MGRN1: variants seen among roughly 807,000 people sequenced by gnomAD.
MGRN1 encodes the protein E3 ubiquitin-protein ligase MGRN1.
A neutral mutation model predicts 69.2 loss-of-function variants in MGRN1; 29 were observed. The observed-to-expected ratio is 0.42, with a 90% CI of 0.31 to 0.57. MGRN1 has a LOEUF of 0.57. MGRN1 is among the 20% of genes least tolerant of loss of function. The probability of loss-of-function intolerance (pLI) is 0.15; values close to 1 mark genes in which losing one functional copy is unlikely to be tolerated. For synonymous variants in MGRN1, 470 were observed against 344.2 expected, an observed-to-expected ratio of 1.37 and a Z score of -4.04; for missense variants, 998 against 796.2, an observed-to-expected ratio of 1.25 and a Z score of -3.05.
At chr16:4,678,669 C>T (rs958758484) in intron 11 of MGRN1, among the ~76,000 whole-genome samples, 7 of 152,164 alleles carry the variant, frequency 4.6e-5, no homozygotes, top group African/African-American at 1.7e-4. Context: ...ACTGGTTGGG[C>T]CCGGGTCTTA....
chr16:4,648,674 C>T (rs1217790656), intron 1 of MGRN1, among the ~76,000 whole-genome samples: 2 of 111,760 alleles, frequency 1.8e-5, no homozygotes, highest in Non-Finnish European at 3.6e-5. Context: ...GGACTCTTCC[C>T]GTGGTCACCC....
rs112675555 is a variant in MGRN1 at position 4,686,250 on chromosome 16, T to C, written c.1618+2318T>C. 2,127 of 1,542,484 alleles carry C rather than the reference T, an allele frequency of 1.4e-3. 29 individuals carry two copies. In the South Asian group the frequency reaches 0.017, roughly 13 times the overall value. On this transcript the variant is annotated intron_variant, in intron 16 of 16. Coordinates refer to ENST00000262370, the MANE Select transcript of MGRN1 (RefSeq NM_015246.4). Reference sequence around the variant, plus strand: ...GAGCTTCCGTCTGTCTCTCCCCCTCTCCGCGCAGCCCTGGGGCCCGACTCC... The same window carrying C: ...GAGCTTCCGTCTGTCTCTCCCCCTCCCCGCGCAGCCCTGGGGCCCGACTCC...
At position 4,665,185 on chromosome 16, in the gene MGRN1, C is replaced by T. The variant is rs200731946; in HGVS notation, c.678+34C>T. On this transcript the variant is annotated intron_variant, in intron 7 of 16. Coordinates refer to ENST00000262370, the MANE Select transcript of MGRN1 (RefSeq NM_015246.4). ...CATCTGGCCATCACTTTCCCGGGGACCTGGGAGCTGGGCAGGGGGTGGCCT... is the reference window on the plus strand; with the variant it reads ...CATCTGGCCATCACTTTCCCGGGGATCTGGGAGCTGGGCAGGGGGTGGCCT... 4.1e-5 allele frequency: 66 copies of T among 1,613,146 alleles called. No homozygotes were observed. In the East Asian group the frequency reaches 1.2e-3, roughly 30 times the overall value.
At position 4,681,556 on chromosome 16, in the gene MGRN1, G is replaced by C. The variant is rs1186087113; in HGVS notation, c.1138G>C (p.Asp380His). ...SKKPKRETNS[D>H]SVPPGYEPIS... ...ACGCACCCTGTCCCTACAGAACTCT[G>C]ACAGCGTCCCACCTGGCTACGAGCC... Residue 380 changes from aspartate (D) to histidine (H), a missense_variant, in exon 13 of 17, where the codon GAC becomes CAC. Coordinates refer to ENST00000262370, the MANE Select transcript of MGRN1 (RefSeq NM_015246.4). 3.1e-6 allele frequency: 5 copies of C among 1,612,368 alleles called. No homozygotes were observed. The highest frequency in any genetic ancestry group is 4.2e-6 in the Non-Finnish European group (5 of 1,179,414).
At chr16:4,668,078 C>G (rs563066599) in intron 7 of MGRN1, among the ~76,000 whole-genome samples, 187 bp from the exon 8 acceptor site, 4 of 151,024 alleles carry the variant, frequency 2.6e-5, no homozygotes, top group Admixed American at 6.6e-5. Context: ...GGCCTGAGGC[C>G]GTGTTTTCAG....
intron 8 of MGRN1, among the ~76,000 whole-genome samples, chr16:4,668,673 T>C (rs1199750024): frequency 2.0e-5 from 3 of 151,240 alleles, no homozygotes; most frequent in South Asian, 2.1e-4. Flanking sequence ...CACACACATA[T>C]ACATAGACAC....
intron 1 of MGRN1, among the ~76,000 whole-genome samples, chr16:4,643,544 TG>T (rs2141857086): frequency 6.6e-6 from 1 of 151,936 alleles, no homozygotes; most frequent in South Asian, 2.1e-4. Context: ...GCTAATTTTT[TG>T]TATTTTTTAG....
At chr16:4,676,725 A>G (rs549772214) in intron 10 of MGRN1, among the ~76,000 whole-genome samples, 2 of 152,172 alleles carry the variant, frequency 1.3e-5, no homozygotes, top group African/African-American at 2.4e-5. Flanking sequence ...GGAACATTCT[A>G]CAGCAGCCTG....
At chr16:4,663,781 G>T (rs1407965135) in intron 5 of MGRN1, among the ~76,000 whole-genome samples, 1 of 152,244 alleles carries the variant, frequency 6.6e-6, no homozygotes, top group Non-Finnish European at 1.5e-5. Flanking sequence ...CAGTGCTGGG[G>T]AGCAGGGGTC....
intron 1 of MGRN1, among the ~76,000 whole-genome samples, chr16:4,631,819 G>A (rs1009352216): frequency 2.6e-5 from 4 of 151,970 alleles, no homozygotes; most frequent in African/African-American, 9.7e-5. Flanking sequence ...TCTATGTGGT[G>A]AGAATTGCTG....
chr16:4,655,594 T>A (rs953669072), intron 4 of MGRN1, among the ~76,000 whole-genome samples: 4 of 142,664 alleles, frequency 2.8e-5, no homozygotes, highest in Non-Finnish European at 6.1e-5. Context: ...CAGGACCTGG[T>A]ACGAGGCCTG....
intron 1 of MGRN1, among the ~76,000 whole-genome samples, chr16:4,633,311 A>G (rs1227688571): frequency 2.7e-5 from 4 of 145,974 alleles, no homozygotes; most frequent in African/African-American, 1.0e-4. Flanking sequence ...ACTGCTTTAA[A>G]CCAGGAAGCA....
At position 4,629,134 on chromosome 16, in the gene MGRN1, CCTG is replaced by C. The variant is rs1282889194; in HGVS notation, c.88+4089_88+4091del. Among the ~76,000 whole-genome samples the C allele has an allele frequency of 4.8e-5, 7 of 144,760 alleles. No homozygotes were observed. The South Asian group carries it at 1.6e-3, about 32-fold the overall frequency. 95.0% of individuals were successfully genotyped at this position (144,760 alleles called of 152,430 possible). ...TACAGGGGTGAGCCACTGCACCTGG[CCTG>C]CTTTCTGTTCGTATGTGTGTGTGTG... On this transcript the variant is annotated intron_variant, in intron 1 of 16. Transcript: ENST00000262370.
chr16:4,680,190 GT>G (rs539481661), intron 12 of MGRN1, 93 bp downstream of exon 12: 36 of 1,273,138 alleles, frequency 2.8e-5, no homozygotes, highest in Admixed American at 2.6e-4. Context: ...CCCCAGGCTA[GT>G]GTCTGATTCA....
chr16:4,666,695 C>T (rs557075781), intron 7 of MGRN1, among the ~76,000 whole-genome samples: 1 of 152,216 alleles, frequency 6.6e-6, no homozygotes, highest in Non-Finnish European at 1.5e-5. Flanking sequence ...TCCTGCTGCT[C>T]CTTCCGCCAC....
chr16:4,647,939 T>C (rs994906520), intron 1 of MGRN1, among the ~76,000 whole-genome samples: 5 of 152,018 alleles, frequency 3.3e-5, no homozygotes, highest in African/African-American at 1.2e-4. Context: ...GGAATCACTG[T>C]TGGGGCCCGG....
At chr16:4,668,131 T>G in intron 7 of MGRN1, 134 bp from the exon 8 acceptor site, 1 of 644,202 alleles carries the variant, frequency 1.6e-6, no homozygotes, top group Non-Finnish European at 2.6e-6. Flanking sequence ...ACCCTTTTTT[T>G]TTTTTTTCTT....
At chr16:4,627,718 A>AGGT (rs1897755694) in intron 1 of MGRN1, among the ~76,000 whole-genome samples, 2 of 151,016 alleles carry the variant, frequency 1.3e-5, no homozygotes. Context: ...TGAAGCTGAG[A>AGGT]GGTGGAGGCT....
chr16:4,660,295 C>T (rs1349915070), intron 5 of MGRN1, among the ~76,000 whole-genome samples: 1 of 152,226 alleles, frequency 6.6e-6, no homozygotes, highest in African/African-American at 2.4e-5. Flanking sequence ...CAGTCCCTCG[C>T]AGGGTGGCCA....
Sources: allele counts gnomAD v4.1 joint callset (sites outside exome capture counted in the v4.1 genomes callset), GRCh38; gene constraint gnomAD v4.1.1; transcripts MANE v1.5; gene names NCBI Gene and HGNC (gene_info 2026-07-23, HGNC 2026-07-21).